The following CHERP variants were observed in gnomAD, a reference collection of about 807,000 sequenced individuals.
CHERP encodes calcium homeostasis endoplasmic reticulum protein.
CHERP carries 8 observed loss-of-function variants against 113.8 expected under a neutral mutation model. The observed-to-expected ratio is 0.07, with a 90% CI of 0.04 to 0.13. CHERP has a LOEUF of 0.13. Ranked by LOEUF, CHERP falls within the 10% of genes least tolerant of loss-of-function variation. CHERP has a pLI of 1.00. For missense variants in CHERP, 884 were observed against 1,298.2 expected (o/e 0.68, Z 4.90); for synonymous variants, 559 against 524.5 (o/e 1.07, Z -0.90).
At chr19:16,538,764 C>A (rs1395496608) in intron 2 of CHERP, among the ~76,000 whole-genome samples, 1 of 151,990 alleles carries the variant, frequency 6.6e-6, no homozygotes, top group African/African-American at 2.4e-5. Context: ...CATAATGGCA[C>A]CAGCTTCCAA....
rs1310927565 is a variant in CHERP, at chr19:16,530,187, C to G, written c.877-287G>C. ...CCGCTTCGTGGCTGCTCAGCGAACA[C>G]TGCCCACCAACATTCTGGGACACGC... On this transcript the variant is annotated intron_variant, in intron 7 of 16. Transcript: ENST00000546361. This position sits in a 1 kb window ranked among gnomAD's most constrained non-coding sequence, Gnocchi z 4.1. Among the ~76,000 whole-genome samples the G allele has an allele frequency of 2.0e-5, 3 of 152,234 alleles. No homozygotes were observed. In the East Asian group the frequency reaches 5.8e-4, roughly 29 times the overall value.
Position 16,525,258 on chromosome 19 carries a change from C to T in CHERP, c.1725G>A (p.Gln575=). 2 of 1,432,820 alleles carry T rather than the reference C, an allele frequency of 1.4e-6. No individual in the cohort carries two copies. Among genetic ancestry groups the T allele is most frequent in the Non-Finnish European group, 1.8e-6 (2 of 1,091,304 alleles). The allele number at this position is 1,432,820 out of a possible 1,614,324, so 88.8% of individuals were successfully genotyped here. The change falls in exon 10 of 17, where the codon CAG becomes CAA. Residue 575 remains glutamine (Q), a synonymous_variant. Transcript: ENST00000546361. The surrounding 1 kb of genome is among the most constrained non-coding windows in gnomAD (Gnocchi z 6.5). Reference sequence around the variant, plus strand: ...TACACTCACCGGCAGGGAAGTCCCCCTGGGGGTAGTCGAAGCGGTGGGGAT... The same window carrying T: ...TACACTCACCGGCAGGGAAGTCCCCTTGGGGGTAGTCGAAGCGGTGGGGAT... ...PPYPHRFDYP[Q]GDFPAEMGPP... is the part of the protein sequence containing the mutation.
chr19:16,533,118 C>T lies in CHERP; in HGVS notation c.415G>A (p.Val139Met). Residue 139 changes from valine to methionine, a missense_variant, in exon 4 of 17, where the codon GTG becomes ATG. This residue lies in a region of CHERP where 109 missense variants were observed against 134.2 expected (regional missense o/e 0.81). Coordinates refer to ENST00000546361, the MANE Select transcript of CHERP (RefSeq NM_006387.6). ...AGAAGCTTCTGCATCTGCTGCTCCACCGCGTGGGCCACGGCCGCTGTCACT... is the reference window on the plus strand; with the variant it reads ...AGAAGCTTCTGCATCTGCTGCTCCATCGCGTGGGCCACGGCCGCTGTCACT... ...EQVTAAVAHA[V>M]EQQMQKLLEE... The T allele has an allele frequency of 6.3e-7, 1 of 1,586,804 alleles. No individual in the cohort carries two copies.
In CHERP at chr19:16,520,659, G is replaced by A; in HGVS notation, c.2202-152C>T. ...AGCAACGGTACCAAGTTCCTAAATA[G>A]TGTGGCCGAGCCTGCTGCTGTGTGA... On this transcript the variant is annotated intron_variant, in intron 13 of 16. Coordinates refer to ENST00000546361, the MANE Select transcript of CHERP (RefSeq NM_006387.6). This position sits in a 1 kb window ranked among gnomAD's most constrained non-coding sequence, Gnocchi z 4.0. 3 of 1,142,876 alleles carry A rather than the reference G, an allele frequency of 2.6e-6. 1 individual carries two copies. 70.8% of individuals were successfully genotyped at this position (1,142,876 alleles called of 1,614,324 possible).
chr19:16,538,539 T>C (rs953371060), intron 2 of CHERP, among the ~76,000 whole-genome samples: 2 of 152,100 alleles, frequency 1.3e-5, no homozygotes, highest in Non-Finnish European at 2.9e-5. Flanking sequence ...AAAAATTAGC[T>C]GGGTGTGGTG....
In CHERP at chr19:16,520,853, C is replaced by T. The variant is rs1034029214; in HGVS notation, c.2174G>A (p.Arg725Gln). ...EFFRAKMRAR[R>Q]RKGQEKRNSG... is the part of the protein sequence containing the mutation. ...GTTCCTCTTCTCCTGGCCTTTCCTC[C>T]GCCGGGCCCGCATTTTTGCTCGGAA... The change falls in exon 13 of 17, where the codon CGG becomes CAG. Residue 725 changes from arginine (R) to glutamine (Q), a missense_variant. Around this residue, in one of 8 missense-constraint regions of CHERP, gnomAD observed 159 missense variants for 185.8 expected, o/e 0.86. Transcript: ENST00000546361. This position sits in a 1 kb window ranked among gnomAD's most constrained non-coding sequence, Gnocchi z 4.0. 2.5e-6 allele frequency: 4 copies of T among 1,613,802 alleles called. No individual in the cohort carries two copies. The highest frequency in any genetic ancestry group is 1.7e-5 in the Admixed American group (1 of 59,998).
chr19:16,536,021 G>A (rs1372715017), intron 2 of CHERP, among the ~76,000 whole-genome samples: 1 of 152,006 alleles, frequency 6.6e-6, no homozygotes, highest in African/African-American at 2.4e-5. Context: ...CTCATCCTCC[G>A]ACCTCCTCGG....
chr19:16,523,073 C>A lies in CHERP; in HGVS notation c.1959G>T (p.Gly653=). 1 of 1,524,240 alleles carries A rather than the reference C, an allele frequency of 6.6e-7. No homozygotes were observed. Among genetic ancestry groups the A allele is most frequent in the South Asian group, 1.3e-5 (1 of 78,538 alleles). The allele number at this position is 1,524,240 out of a possible 1,614,324, so 94.4% of individuals were successfully genotyped here. A position where few individuals can be genotyped will look rare whatever the true frequency, so the allele number is the denominator to read the frequency against. ...TTACCTTCACGAGGGGGGCCATCAG[C>A]CCAGCAGGGAGATCGAAGTAGGGCA... ...PNVPYFDLPA[G]LMAPLVKLED... is the part of the protein sequence containing the mutation. The change falls in exon 11 of 17, where the codon GGG becomes GGT. Residue 653 remains glycine (G), a synonymous_variant. Transcript: ENST00000546361. The surrounding 1 kb of genome is among the most constrained non-coding windows in gnomAD (Gnocchi z 4.0).
Position 16,542,399 on chromosome 19 carries a change from TC to T in CHERP, c.-22del, listed in dbSNP as rs2085787044. On this transcript the variant is annotated 5_prime_UTR_variant, in exon 1 of 17. Transcript: ENST00000546361. Reference sequence around the variant, plus strand: ...TCCATGGCTCCGGCCGCGGGGAACGTCCTCCGGCGCCACACGATCGACCACC... The same window carrying T: ...TCCATGGCTCCGGCCGCGGGGAACGTCTCCGGCGCCACACGATCGACCACC... 7.4e-7 allele frequency: 1 copy of T among 1,355,392 alleles called. No individual in the cohort carries two copies. The highest frequency in any genetic ancestry group is 1.5e-5 in the African/African-American group (1 of 66,574). 84.0% of individuals were successfully genotyped at this position (1,355,392 alleles called of 1,614,324 possible).
At chr19:16,528,008 C>G in intron 9 of CHERP, 72 bp downstream of exon 9, 1 of 1,462,016 alleles carries the variant, frequency 6.8e-7, no homozygotes, top group Non-Finnish European at 9.5e-7. Flanking sequence ...CGCCCACCAA[C>G]TGGCATAGGG....
chr19:16,532,870 A>G lies in CHERP; in HGVS notation c.523-121T>C. The G allele has an allele frequency of 6.6e-7, 1 of 1,522,090 alleles. No individual in the cohort carries two copies. The highest frequency in any genetic ancestry group is 8.9e-7 in the Non-Finnish European group (1 of 1,127,536). The allele number at this position is 1,522,090 out of a possible 1,614,324, so 94.3% of individuals were successfully genotyped here. The stretch of plus-strand genomic sequence containing the variant: ...GACACACCATGAGCGTGGGGGGCAC[A>G]GGGTCCCACAGCCTCAGGAGCTCCA... On this transcript the variant is annotated intron_variant, in intron 4 of 16. Transcript: ENST00000546361. This position sits in a 1 kb window ranked among gnomAD's most constrained non-coding sequence, Gnocchi z 4.4.
rs747706325 is a variant in CHERP, at chr19:16,520,506, C to T, written c.2203G>A (p.Gly735Arg). 2.9e-5 allele frequency: 46 copies of T among 1,611,688 alleles called. No individual in the cohort carries two copies. Among genetic ancestry groups the T allele is most frequent in the East Asian group, 2.0e-4 (9 of 44,882 alleles). Residue 735 changes from glycine to arginine, a missense_variant and splice_region_variant, in exon 14 of 17, where the codon GGA becomes AGA. Coordinates refer to ENST00000546361, the MANE Select transcript of CHERP (RefSeq NM_006387.6). This position sits in a 1 kb window ranked among gnomAD's most constrained non-coding sequence, Gnocchi z 4.0. The part of the protein sequence containing the change: ...RRKGQEKRNS[G>R]PSRSRSRSKS... ...GATCTGCTCCGAGACCTCGAGGGTC[C>T]GCTGTGGGGAGAGGCCTGATGATCA...
rs183975099 is a variant in CHERP, at chr19:16,532,861, G to C, written c.523-112C>G. 7 of 1,529,240 alleles carry C rather than the reference G, an allele frequency of 4.6e-6. No homozygotes were observed. In the South Asian group the frequency reaches 6.3e-5, roughly 14 times the overall value. 94.7% of individuals were successfully genotyped at this position (1,529,240 alleles called of 1,614,324 possible). The stretch of plus-strand genomic sequence containing the variant: ...TCAGGGAAGGACACACCATGAGCGT[G>C]GGGGGCACAGGGTCCCACAGCCTCA... On this transcript the variant is annotated intron_variant, in intron 4 of 16. Transcript: ENST00000546361. The surrounding 1 kb of genome is among the most constrained non-coding windows in gnomAD (Gnocchi z 4.4).
Position 16,525,528 on chromosome 19 carries a change from G to A in CHERP, c.1455C>T (p.Asp485=), listed in dbSNP as rs2085651678. Residue 485 remains aspartate, a synonymous_variant, in exon 10 of 17, where the codon GAC becomes GAT. Coordinates refer to ENST00000546361, the MANE Select transcript of CHERP (RefSeq NM_006387.6). The surrounding 1 kb of genome is among the most constrained non-coding windows in gnomAD (Gnocchi z 6.5). The part of the protein sequence containing the change: ...QRDAPWNNQP[D]AAWNSQFEGP... Reference sequence around the variant, plus strand: ...CCTCGAACTGGCTGTTCCAGGCGGCGTCGGGCTGGTTGTTCCAGGGCGCGT... The same window carrying A: ...CCTCGAACTGGCTGTTCCAGGCGGCATCGGGCTGGTTGTTCCAGGGCGCGT... The A allele has an allele frequency of 2.6e-6, 4 of 1,548,128 alleles. No individual in the cohort carries two copies. The highest frequency in any genetic ancestry group is 3.5e-6 in the Non-Finnish European group (4 of 1,149,144).
chr19:16,537,983 C>T (rs1041319468), intron 2 of CHERP, among the ~76,000 whole-genome samples: 6 of 152,196 alleles, frequency 3.9e-5, no homozygotes, highest in Admixed American at 3.3e-4. Flanking sequence ...TCCTTCACCA[C>T]AGAGTTCGTG....
At chr19:16,531,401 C>T (rs1052184544) in intron 5 of CHERP, among the ~76,000 whole-genome samples, 3 of 152,174 alleles carry the variant, frequency 2.0e-5, no homozygotes, top group Admixed American at 1.3e-4. Context: ...GGGGAGGCGC[C>T]GGGCCCATGT....
Position 16,532,993 on chromosome 19 carries a change from G to T in CHERP, c.522+18C>A. On this transcript the variant is annotated intron_variant, in intron 4 of 16. Transcript: ENST00000546361. The surrounding 1 kb of genome is among the most constrained non-coding windows in gnomAD (Gnocchi z 4.4). ...GGACCAAGGGAAAGCTGGGCTCTGG[G>T]AAGTGCTGGCCCCTCACCGAGATGG... The T allele has an allele frequency of 6.4e-7, 1 of 1,560,604 alleles. No homozygotes were observed.
Position 16,530,152 on chromosome 19 carries a change from C to T in CHERP, c.877-252G>A, listed in dbSNP as rs1417305467. On this transcript the variant is annotated intron_variant, in intron 7 of 16. Coordinates refer to ENST00000546361, the MANE Select transcript of CHERP (RefSeq NM_006387.6). This position sits in a 1 kb window ranked among gnomAD's most constrained non-coding sequence, Gnocchi z 4.1. ...TGATAACAGAACGAGCAACGACAGC[C>T]GTGTCCTGGCCGCTTCGTGGCTGCT... is the stretch of plus-strand genomic sequence containing the variant. 2.0e-5 allele frequency among the ~76,000 whole-genome samples: 3 copies of T among 152,204 alleles called. No homozygotes were observed. The highest frequency in any genetic ancestry group is 4.4e-5 in the Non-Finnish European group (3 of 68,044).
chr19:16,536,030 G>A (rs895316304), intron 2 of CHERP, among the ~76,000 whole-genome samples: 51 of 152,050 alleles, frequency 3.4e-4, no homozygotes, highest in African/African-American at 1.1e-3. Flanking sequence ...CGACCTCCTC[G>A]GCCACTCCCT....
Sources: allele counts gnomAD v4.1 joint callset (sites outside exome capture counted in the v4.1 genomes callset), GRCh38; gene constraint gnomAD v4.1.1; regional missense constraint gnomAD v4.1.1; non-coding constraint Gnocchi (gnomAD v3.1); transcripts MANE v1.5; gene names NCBI Gene and HGNC (gene_info 2026-07-23, HGNC 2026-07-21).